ZRANB3: variants seen among roughly 807,000 people sequenced by gnomAD.
ZRANB3 encodes the protein zinc finger RANBP2-type containing 3.
ZRANB3 carries 125 observed loss-of-function variants against 133.8 expected under a neutral mutation model. The ratio of observed to expected loss-of-function variants is 0.93; its 90% CI spans 0.81 to 1.08. ZRANB3 has a LOEUF of 1.08. Ranked by LOEUF, ZRANB3 falls within the 50% of genes least tolerant of loss-of-function variation. ZRANB3 has a pLI of 0.00. For missense variants in ZRANB3, 1,229 were observed against 1,275.5 expected (o/e 0.96, Z 0.56); for synonymous variants, 387 against 432.7 (o/e 0.89, Z 1.31).
At chr2:135,298,415 T>G (rs1014630692) in intron 8 of ZRANB3, among the ~76,000 whole-genome samples, 1 of 152,130 alleles carries the variant, frequency 6.6e-6, no homozygotes, top group East Asian at 1.9e-4. Flanking sequence ...ATTACCAGAA[T>G]TGTTTTTCTG....
In ZRANB3 at chr2:135,345,646, A is replaced by G. The variant is rs1684885246; in HGVS notation, c.592-11T>C. The G allele has an allele frequency of 1.3e-6, 2 of 1,572,354 alleles. No homozygotes were observed. The highest frequency in any genetic ancestry group is 1.7e-6 in the Non-Finnish European group (2 of 1,147,620). On this transcript the variant is annotated splice_polypyrimidine_tract_variant and intron_variant, in intron 5 of 20. Coordinates refer to ENST00000264159, the MANE Select transcript of ZRANB3 (RefSeq NM_032143.4). ...AATCTGCATAAAAAGCTATAATAAT[A>G]CAAGTGTTTGTAGTATGTTGTAATA...
At chr2:135,506,220 G>T (rs1439742296) in intron 1 of ZRANB3, among the ~76,000 whole-genome samples, 1 of 151,966 alleles carries the variant, frequency 6.6e-6, no homozygotes, top group East Asian at 1.9e-4. Flanking sequence ...GCGAAACACT[G>T]TCCTACTAAA....
At chr2:135,392,287 C>A (rs1202188680) in intron 2 of ZRANB3, among the ~76,000 whole-genome samples, 1 of 133,680 alleles carries the variant, frequency 7.5e-6, no homozygotes, top group Non-Finnish European at 1.5e-5. Context: ...GTACTCCAGC[C>A]TGGACAACAA....
At chr2:135,303,355 A>C (rs1294300870) in intron 8 of ZRANB3, among the ~76,000 whole-genome samples, 1 of 152,126 alleles carries the variant, frequency 6.6e-6, no homozygotes, top group Non-Finnish European at 1.5e-5. Flanking sequence ...TTTAGCTCTC[A>C]TATTTAATTC....
At chr2:135,221,829 A>G (rs1302581890) in intron 15 of ZRANB3, among the ~76,000 whole-genome samples, 1 of 152,060 alleles carries the variant, frequency 6.6e-6, no homozygotes, top group Non-Finnish European at 1.5e-5. Flanking sequence ...CTATAAGAGG[A>G]GCATTGATTA....
At chr2:135,516,967 T>C (rs1693725637) in intron 1 of ZRANB3, among the ~76,000 whole-genome samples, 1 of 152,072 alleles carries the variant, frequency 6.6e-6, no homozygotes, top group African/African-American at 2.4e-5. Flanking sequence ...GCTTTGTTCA[T>C]TCCCTTTCAT....
intron 2 of ZRANB3, among the ~76,000 whole-genome samples, chr2:135,419,276 A>C (rs936620419): frequency 2.6e-5 from 4 of 151,366 alleles, no homozygotes; most frequent in African/African-American, 7.3e-5. Context: ...TCCTTTTCTT[A>C]GTTTTCATGA....
In ZRANB3 at chr2:135,502,945, CTCAG is replaced by C. The variant is rs557949534; in HGVS notation, c.161+1380_161+1383del. Among the ~76,000 whole-genome samples the C allele has an allele frequency of 2.3e-3, 354 of 152,272 alleles. 3 individuals carry two copies. The highest frequency in any genetic ancestry group is 7.9e-3 in the African/African-American group (329 of 41,534). On this transcript the variant is annotated intron_variant, in intron 2 of 20. Transcript: ENST00000264159. ...ACAAACTACTAATACATGAATCTCACTCAGTAAGATTACAATAATTTTAAGAAGT... is the reference window on the plus strand; with the variant it reads ...ACAAACTACTAATACATGAATCTCACTAAGATTACAATAATTTTAAGAAGT...
At chr2:135,433,854 G>A (rs2104984823) in intron 2 of ZRANB3, among the ~76,000 whole-genome samples, 1 of 152,144 alleles carries the variant, frequency 6.6e-6, no homozygotes, top group Middle Eastern at 3.4e-3. Context: ...AAAATTAGCT[G>A]GGCATGGTGA....
chr2:135,430,765 G>T (rs1689287475), intron 2 of ZRANB3, among the ~76,000 whole-genome samples: 1 of 152,060 alleles, frequency 6.6e-6, no homozygotes, highest in Non-Finnish European at 1.5e-5. Flanking sequence ...TCCATATATG[G>T]TCAAATGATT....
rs118006191 is a variant in ZRANB3, at chr2:135,376,388, C to T, written c.180+14414G>A. Among the ~76,000 whole-genome samples, 46 of 152,302 alleles carry T rather than the reference C, an allele frequency of 3.0e-4. No homozygotes were observed. The East Asian group carries it at 8.5e-3, about 28-fold the overall frequency. On this transcript the variant is annotated intron_variant, in intron 3 of 20. Coordinates refer to ENST00000264159, the MANE Select transcript of ZRANB3 (RefSeq NM_032143.4). Reference sequence around the variant, plus strand: ...AAACCTATGTTGACACAAAAACCTACATGTGAATATGTACAGCAGCTTTAT... The same window carrying T: ...AAACCTATGTTGACACAAAAACCTATATGTGAATATGTACAGCAGCTTTAT...
chr2:135,331,415 T>C (rs1298486803), intron 6 of ZRANB3, among the ~76,000 whole-genome samples: 1 of 152,246 alleles, frequency 6.6e-6, no homozygotes, highest in Non-Finnish European at 1.5e-5. Flanking sequence ...GATTGGACTG[T>C]GGTCTGAGAG....
chr2:135,256,911 C>T (rs763535051), intron 12 of ZRANB3, among the ~76,000 whole-genome samples: 6 of 152,216 alleles, frequency 3.9e-5, no homozygotes, highest in Non-Finnish European at 8.8e-5. Flanking sequence ...GACCTCTGGT[C>T]ATCCTCACAG....
At chr2:135,349,864 A>T (rs988484590) in intron 5 of ZRANB3, 120 bp downstream of exon 5, 14 of 693,106 alleles carry the variant, frequency 2.0e-5, no homozygotes, top group Non-Finnish European at 3.2e-5. Context: ...TTCCCAATGT[A>T]CTCCTCTAGC....
chr2:135,286,778 T>C (rs1681393908), intron 8 of ZRANB3, among the ~76,000 whole-genome samples: 1 of 152,184 alleles, frequency 6.6e-6, no homozygotes, highest in Non-Finnish European at 1.5e-5. Flanking sequence ...ATTATTTTTT[T>C]CTTGCTGACT....
intron 6 of ZRANB3, among the ~76,000 whole-genome samples, chr2:135,328,883 A>G (rs559228232): frequency 5.3e-5 from 8 of 152,214 alleles, no homozygotes; most frequent in Admixed American, 1.3e-4. Context: ...GTCTGTTCAT[A>G]TCCTTTGCCC....
chr2:135,325,641 C>T (rs1246423045), intron 6 of ZRANB3, among the ~76,000 whole-genome samples: 1 of 152,134 alleles, frequency 6.6e-6, no homozygotes, highest in Non-Finnish European at 1.5e-5. Flanking sequence ...ATGATTCACC[C>T]ACCTCAGCCT....
At chr2:135,385,415 C>T (rs1686921953) in intron 3 of ZRANB3, among the ~76,000 whole-genome samples, 1 of 152,156 alleles carries the variant, frequency 6.6e-6, no homozygotes, top group Admixed American at 6.5e-5. Flanking sequence ...GCCCATACTG[C>T]CCAAGGTAAT....
intron 2 of ZRANB3, among the ~76,000 whole-genome samples, chr2:135,493,950 T>C (rs1692534200): frequency 1.3e-5 from 2 of 151,972 alleles, no homozygotes; most frequent in African/African-American, 2.4e-5. Context: ...TGCTAAAACA[T>C]TATATTGAGT....
Sources: gnomAD v4.1 joint callset for allele counts (sites outside exome capture counted in the v4.1 genomes callset) on GRCh38, gnomAD v4.1.1 for gene constraint, MANE v1.5 for transcripts, NCBI Gene and HGNC (gene_info 2026-07-23, HGNC 2026-07-21) for gene names.